PPP2R2B: variants seen among roughly 807,000 people sequenced by gnomAD.
PPP2R2B encodes the protein protein phosphatase 2 regulatory subunit Bbeta.
Under a neutral mutation model 46.0 loss-of-function variants are expected in PPP2R2B, and 5 were observed. That is an observed-to-expected ratio of 0.11 (90% CI 0.06 to 0.23). The LOEUF is 0.23. Ranked by LOEUF, PPP2R2B falls within the 10% of genes least tolerant of loss-of-function variation. The pLI, the probability that PPP2R2B is intolerant of heterozygous loss-of-function variation, is 1.00. For synonymous variants in PPP2R2B, 215 were observed against 206.7 expected (o/e 1.04, Z -0.34); for missense variants, 367 against 575.0 (o/e 0.64, Z 3.70).
chr5:146,734,062 T>G lies in PPP2R2B; in HGVS notation c.71-32920A>C, dbSNP rs1216747588. On this transcript the variant is annotated intron_variant, in intron 2 of 9. Coordinates refer to ENST00000394411, the MANE Select transcript of PPP2R2B (RefSeq NM_181675.4). ...TGAAGATAAAATGAGTTAGGTTTTT[T>G]TTTTTTTTTTGAGACAGGGTTTTAC... 5.3e-5 allele frequency among the ~76,000 whole-genome samples: 8 copies of G among 151,932 alleles called. No individual in the cohort carries two copies. In the South Asian group the frequency reaches 1.0e-3, roughly 20 times the overall value.
chr5:146,685,745 CTG>C (rs963998447), intron 5 of PPP2R2B, among the ~76,000 whole-genome samples: 3 of 152,146 alleles, frequency 2.0e-5, no homozygotes, highest in African/African-American at 7.2e-5. Context: ...ATTCATGAGA[CTG>C]TGAGTGTCCT....
intron 2 of PPP2R2B, among the ~76,000 whole-genome samples, chr5:146,803,920 C>A (rs1162100910): frequency 6.6e-6 from 1 of 152,138 alleles, no homozygotes; most frequent in African/African-American, 2.4e-5. Context: ...GTAATCCCAG[C>A]ACTTTGGGAG....
chr5:146,776,671 T>C (rs1456709191), intron 2 of PPP2R2B, among the ~76,000 whole-genome samples: 1 of 151,996 alleles, frequency 6.6e-6, no homozygotes, highest in Non-Finnish European at 1.5e-5. Flanking sequence ...AATAAAAATT[T>C]CTGTATATCA....
At chr5:146,792,127 G>C (rs1433046293) in intron 2 of PPP2R2B, among the ~76,000 whole-genome samples, 1 of 152,194 alleles carries the variant, frequency 6.6e-6, no homozygotes, top group South Asian at 2.1e-4. Context: ...GCAGAGGACA[G>C]AGACTATTGA....
At chr5:146,701,274 T>C in intron 2 of PPP2R2B, 132 bp from the exon 3 acceptor site, 2 of 903,318 alleles carry the variant, frequency 2.2e-6, no homozygotes. Context: ...AAGGATGTTA[T>C]GTTCTGGGTT....
chr5:146,712,195 A>G (rs529140644), intron 2 of PPP2R2B, among the ~76,000 whole-genome samples: 3 of 152,336 alleles, frequency 2.0e-5, no homozygotes, highest in African/African-American at 7.2e-5. Context: ...GGAAAGTATT[A>G]GAAACAAGCG....
At chr5:147,052,671 AG>A (rs1756886841) in intron 1 of PPP2R2B, among the ~76,000 whole-genome samples, 1 of 152,186 alleles carries the variant, frequency 6.6e-6, no homozygotes, top group Non-Finnish European at 1.5e-5. Context: ...TCTGGGGACC[AG>A]GCAAGATGGA....
intron 2 of PPP2R2B, among the ~76,000 whole-genome samples, chr5:146,864,900 G>A (rs1761220364): frequency 1.3e-5 from 2 of 152,132 alleles, no homozygotes; most frequent in African/African-American, 4.8e-5. Flanking sequence ...GAACAAAAGT[G>A]GAAAACGCCT....
chr5:146,938,631 T>C (rs553240751), intron 1 of PPP2R2B, among the ~76,000 whole-genome samples: 26 of 152,210 alleles, frequency 1.7e-4, no homozygotes, highest in Non-Finnish European at 3.4e-4. Flanking sequence ...TACATAGGAA[T>C]TAAAATCTTG....
At chr5:146,959,221 CA>C (rs1752062726) in intron 1 of PPP2R2B, among the ~76,000 whole-genome samples, 1 of 152,148 alleles carries the variant, frequency 6.6e-6, no homozygotes, top group African/African-American at 2.4e-5. Flanking sequence ...AGTAAATAAT[CA>C]AAACCTGCCT....
intron 2 of PPP2R2B, among the ~76,000 whole-genome samples, chr5:146,705,464 T>C (rs1779780447): frequency 6.6e-6 from 1 of 151,762 alleles, no homozygotes; most frequent in Non-Finnish European, 1.5e-5. Context: ...GTGGGGGAGG[T>C]AGGATGTGTA....
chr5:146,909,921 G>A (rs1763122110), intron 1 of PPP2R2B, among the ~76,000 whole-genome samples: 1 of 152,172 alleles, frequency 6.6e-6, no homozygotes, highest in Non-Finnish European at 1.5e-5. Flanking sequence ...AATTTCTTTA[G>A]CAGTTTCATA....
At chr5:146,734,041 G>C (rs1752391607) in intron 2 of PPP2R2B, among the ~76,000 whole-genome samples, 1 of 148,640 alleles carries the variant, frequency 6.7e-6, no homozygotes, top group Non-Finnish European at 1.5e-5. Context: ...TTGTTGTGAA[G>C]ATAAAATGAG....
intron 4 of PPP2R2B, among the ~76,000 whole-genome samples, chr5:146,693,092 A>G (rs1778967417): frequency 6.6e-6 from 1 of 152,006 alleles, no homozygotes; most frequent in Non-Finnish European, 1.5e-5. Context: ...CCCACTCAGT[A>G]GGTACATAAC....
intron 2 of PPP2R2B, among the ~76,000 whole-genome samples, chr5:146,853,546 GATA>G (rs1436024274): frequency 6.6e-6 from 1 of 152,086 alleles, no homozygotes; most frequent in Admixed American, 6.6e-5. Flanking sequence ...CTGTGAAACA[GATA>G]ATAATGATGC....
chr5:146,669,305 A>G (rs1777194993), intron 5 of PPP2R2B, among the ~76,000 whole-genome samples: 1 of 152,202 alleles, frequency 6.6e-6, no homozygotes, highest in African/African-American at 2.4e-5. Context: ...CAGAGGTCCC[A>G]GGGAGTATGA....
intron 2 of PPP2R2B, among the ~76,000 whole-genome samples, chr5:146,760,774 T>C (rs114640691): frequency 6.6e-6 from 1 of 152,134 alleles, no homozygotes; most frequent in South Asian, 2.1e-4. Flanking sequence ...TTGACTCGCA[T>C]AGTTGAAAAA....
intron 1 of PPP2R2B, among the ~76,000 whole-genome samples, chr5:146,992,974 G>C (rs1460924407): frequency 6.6e-6 from 1 of 152,130 alleles, no homozygotes; most frequent in Admixed American, 6.5e-5. Flanking sequence ...ATGGAGTCTT[G>C]CTCTGTCACC....
intron 1 of PPP2R2B, among the ~76,000 whole-genome samples, chr5:147,017,679 C>T (rs1451020879): frequency 6.7e-6 from 1 of 148,888 alleles, no homozygotes; most frequent in Non-Finnish European, 1.5e-5. Context: ...TCAATGGTAT[C>T]AAATGCAGCT....
Sources: allele counts gnomAD v4.1 joint callset (sites outside exome capture counted in the v4.1 genomes callset), GRCh38; gene constraint gnomAD v4.1.1; transcripts MANE v1.5; gene names NCBI Gene and HGNC (gene_info 2026-07-23, HGNC 2026-07-21).